MARCHF1: variants seen among roughly 807,000 people sequenced by gnomAD.
MARCHF1 encodes the protein membrane associated ring-CH-type finger 1, also known as E3 ubiquitin-protein ligase MARCHF1.
In MARCHF1, 40 loss-of-function variants were observed where a neutral mutation model predicts 54.2. The observed-to-expected ratio is 0.74, with a 90% CI of 0.57 to 0.96. MARCHF1 has a LOEUF of 0.96. Among genes scored for constraint, MARCHF1 ranks in the 40% least tolerant of loss-of-function variants. The pLI is 0.00. For missense variants in MARCHF1, 586 were observed against 656.5 expected (o/e 0.89, Z 1.17); for synonymous variants, 236 against 236.3 (o/e 1.00, Z 0.01).
chr4:164,030,384 T>C (rs2110990611), intron 2 of MARCHF1, among the ~76,000 whole-genome samples: 1 of 152,298 alleles, frequency 6.6e-6, no homozygotes, highest in East Asian at 1.9e-4. Context: ...AAATGAAGTT[T>C]AACTTTATCA....
chr4:163,613,589 C>T, intron 5 of MARCHF1, 196 bp from the exon 6 acceptor site: 2 of 1,471,722 alleles, frequency 1.4e-6, no homozygotes, highest in South Asian at 3.0e-5. Flanking sequence ...CCTGGAACAG[C>T]TGAGATGCTG....
chr4:163,797,353 A>ATG (rs10595715), intron 4 of MARCHF1, among the ~76,000 whole-genome samples: 22 of 150,072 alleles, frequency 1.5e-4, no homozygotes, highest in African/African-American at 2.0e-4. Flanking sequence ...GTGTGTGTTT[A>ATG]TGTGTGTGTG....
chr4:164,004,384 C>T, intron 2 of MARCHF1, among the ~76,000 whole-genome samples: 1 of 151,790 alleles, frequency 6.6e-6, no homozygotes, highest in East Asian at 1.9e-4. Flanking sequence ...TAAATAAATA[C>T]AACAGAAATG....
chr4:163,556,825 T>A (rs1403596149), intron 8 of MARCHF1, among the ~76,000 whole-genome samples: 1 of 152,104 alleles, frequency 6.6e-6, no homozygotes, highest in Non-Finnish European at 1.5e-5. Flanking sequence ...TACATTTGAA[T>A]TTGTTTTTGG....
chr4:163,776,644 T>C (rs1171255961), intron 4 of MARCHF1, among the ~76,000 whole-genome samples: 1 of 152,104 alleles, frequency 6.6e-6, no homozygotes, highest in African/African-American at 2.4e-5. Flanking sequence ...ATCCATCCAT[T>C]GGGGGCTGAC....
At chr4:163,759,923 G>A (rs912643137) in intron 4 of MARCHF1, among the ~76,000 whole-genome samples, 1 of 152,112 alleles carries the variant, frequency 6.6e-6, no homozygotes, top group Non-Finnish European at 1.5e-5. Context: ...CACTCATTTT[G>A]TTCTGATATC....
At chr4:164,064,252 T>C (rs6536789) in intron 2 of MARCHF1, among the ~76,000 whole-genome samples, 109,443 of 152,100 alleles carry the variant, frequency 0.72, 39,995 homozygotes, top group Non-Finnish European at 0.79. Flanking sequence ...TTGTTTTGGG[T>C]GGTATGGCCA....
intron 8 of MARCHF1, among the ~76,000 whole-genome samples, chr4:163,567,528 G>A (rs956648387): frequency 6.6e-6 from 1 of 152,156 alleles, no homozygotes; most frequent in Non-Finnish European, 1.5e-5. Context: ...TTTTGGGAGG[G>A]ACCCAGTGGG....
At chr4:163,800,286 A>T (rs1463814621) in intron 4 of MARCHF1, among the ~76,000 whole-genome samples, 2 of 152,020 alleles carry the variant, frequency 1.3e-5, no homozygotes, top group African/African-American at 2.4e-5. Flanking sequence ...AGAAAAAGGA[A>T]ATGTAATAGT....
At chr4:163,659,259 T>G (rs1743258485) in intron 5 of MARCHF1, among the ~76,000 whole-genome samples, 1 of 151,664 alleles carries the variant, frequency 6.6e-6, no homozygotes, top group African/African-American at 2.4e-5. Flanking sequence ...CTTAAAAGTA[T>G]ACATCTGATC....
intron 4 of MARCHF1, among the ~76,000 whole-genome samples, chr4:163,764,707 G>A (rs1746925560): frequency 6.6e-6 from 1 of 152,010 alleles, no homozygotes; most frequent in Non-Finnish European, 1.5e-5. Context: ...GGATGATAAG[G>A]TTAACTCTAT....
chr4:164,327,002 T>C (rs1735300683), intron 1 of MARCHF1, among the ~76,000 whole-genome samples: 1 of 149,082 alleles, frequency 6.7e-6, no homozygotes. Context: ...TGTGTGTGTA[T>C]GACTTAGAAC....
At chr4:164,279,374 T>A (rs1245814294) in intron 1 of MARCHF1, among the ~76,000 whole-genome samples, 1 of 151,400 alleles carries the variant, frequency 6.6e-6, no homozygotes, top group Non-Finnish European at 1.5e-5. Flanking sequence ...AATGATAAAA[T>A]AGAAAATCTC....
At chr4:163,759,276 A>C (rs1021128883) in intron 4 of MARCHF1, among the ~76,000 whole-genome samples, 1 of 152,120 alleles carries the variant, frequency 6.6e-6, no homozygotes, top group Non-Finnish European at 1.5e-5. Flanking sequence ...AACATAATAC[A>C]CACATACCAA....
At chr4:164,041,727 A>G (rs1268519580) in intron 2 of MARCHF1, among the ~76,000 whole-genome samples, 3 of 152,182 alleles carry the variant, frequency 2.0e-5, no homozygotes, top group Non-Finnish European at 4.4e-5. Context: ...GATATGACCA[A>G]TCAGAAACTC....
chr4:164,021,078 C>CT (rs1560865345), intron 2 of MARCHF1, among the ~76,000 whole-genome samples: 155 of 92,100 alleles, frequency 1.7e-3, no homozygotes, highest in African/African-American at 5.1e-3. Context: ...CATTTCTGTC[C>CT]CTTTTTTTTT....
At chr4:164,231,628 C>G (rs752491457) in intron 1 of MARCHF1, among the ~76,000 whole-genome samples, 1 of 152,046 alleles carries the variant, frequency 6.6e-6, no homozygotes, top group South Asian at 2.1e-4. Flanking sequence ...CATTTTGATA[C>G]GCCATGGAGA....
At chr4:163,558,775 G>A (rs944816530) in intron 8 of MARCHF1, among the ~76,000 whole-genome samples, 1 of 152,156 alleles carries the variant, frequency 6.6e-6, no homozygotes, top group Non-Finnish European at 1.5e-5. Flanking sequence ...GCAGCTGCGT[G>A]GAGCGTGCCC....
chr4:163,966,193 T>G (rs1047060099), intron 3 of MARCHF1, among the ~76,000 whole-genome samples: 3 of 152,070 alleles, frequency 2.0e-5, no homozygotes, highest in Admixed American at 6.6e-5. Flanking sequence ...ATTTATAAAC[T>G]GATGCTTCCA....
Sources: gnomAD v4.1 joint callset for allele counts (sites outside exome capture counted in the v4.1 genomes callset) on GRCh38, gnomAD v4.1.1 for gene constraint, MANE v1.5 for transcripts, NCBI Gene and HGNC (gene_info 2026-07-23, HGNC 2026-07-21) for gene names.